The following SDK1 variants were observed in gnomAD, a reference collection of about 807,000 sequenced individuals.
SDK1 encodes protein sidekick-1.
In SDK1, 157 loss-of-function variants were observed where a neutral mutation model predicts 245.5. The ratio of observed to expected loss-of-function variants is 0.64; its 90% CI spans 0.56 to 0.73. The LOEUF (loss-of-function observed/expected upper bound fraction) is 0.73, where lower values mean the gene tolerates loss of function less well. Ranked by LOEUF, SDK1 falls within the 30% of genes least tolerant of loss-of-function variation. The pLI, the probability that SDK1 is intolerant of heterozygous loss-of-function variation, is 0.00. For missense variants in SDK1, 3,583 were observed against 3,002.3 expected (o/e 1.19, Z -4.52); for synonymous variants, 1,647 against 1,278.5 (o/e 1.29, Z -6.15).
chr7:3,936,801 C>T (rs1022737148), intron 5 of SDK1, among the ~76,000 whole-genome samples: 11 of 152,118 alleles, frequency 7.2e-5, no homozygotes, highest in Non-Finnish European at 1.5e-5. Context: ...CTGGAGGAGG[C>T]GCTGTGTCCT....
At chr7:4,017,909 G>A (rs373550076) in intron 17 of SDK1, among the ~76,000 whole-genome samples, 14 of 152,164 alleles carry the variant, frequency 9.2e-5, no homozygotes, top group Admixed American at 4.6e-4. Flanking sequence ...TGAAGCCAGT[G>A]GTTCTTAAAT....
intron 22 of SDK1, among the ~76,000 whole-genome samples, chr7:4,080,181 G>A (rs574393760): frequency 6.6e-6 from 1 of 152,234 alleles, no homozygotes; most frequent in Non-Finnish European, 1.5e-5. Flanking sequence ...CGGTGGCAGG[G>A]AGTGAGTCTG....
chr7:4,060,777 C>G (rs1779488569), intron 19 of SDK1, among the ~76,000 whole-genome samples: 1 of 152,128 alleles, frequency 6.6e-6, no homozygotes, highest in Non-Finnish European at 1.5e-5. Context: ...GGTTTTAGGT[C>G]TAACGTTTAG....
At chr7:3,660,511 A>G (rs564196653) in intron 4 of SDK1, among the ~76,000 whole-genome samples, 1 of 152,302 alleles carries the variant, frequency 6.6e-6, no homozygotes, top group Admixed American at 6.5e-5. Flanking sequence ...GGGAGAGCCT[A>G]TCTTTCCATA....
chr7:4,183,015 GT>G (rs1296796044), intron 35 of SDK1, among the ~76,000 whole-genome samples: 1 of 152,188 alleles, frequency 6.6e-6, no homozygotes, highest in Non-Finnish European at 1.5e-5. Flanking sequence ...GGGCTCAGAG[GT>G]TAGTTTTTTC....
At position 3,721,679 on chromosome 7, in the gene SDK1, T is replaced by C. The variant is rs377043824; in HGVS notation, c.713+79574T>C. On this transcript the variant is annotated intron_variant, in intron 4 of 44. Transcript: ENST00000404826. ...GGGTAGGATGAGATCAGAGAGTGCA[T>C]TGTGTGCTCACTGAGGAAGGGGGAG... Among the ~76,000 whole-genome samples the C allele has an allele frequency of 1.2e-3, 179 of 152,224 alleles. 1 individual carries two copies. The highest frequency in any genetic ancestry group is 3.8e-3 in the African/African-American group (159 of 41,532).
At chr7:3,989,627 G>A (rs989637853) in intron 14 of SDK1, among the ~76,000 whole-genome samples, 4 of 152,096 alleles carry the variant, frequency 2.6e-5, no homozygotes, top group African/African-American at 7.2e-5. Flanking sequence ...GTGCACTCTC[G>A]GGTACCCTCC....
chr7:4,017,185 G>T lies in SDK1; in HGVS notation c.2435G>T (p.Gly812Val). 1 of 1,611,186 alleles carries T rather than the reference G, an allele frequency of 6.2e-7. No individual in the cohort carries two copies. The highest frequency in any genetic ancestry group is 8.5e-7 in the Non-Finnish European group (1 of 1,178,658). ...TCGTGGCGCAGGTACCGCCTGGCTG[G>T]CCTTCCCGGAGAGTACCAGCAGCGG... ...RGYILRYRLA[G>V]LPGEYQQRNI... Residue 812 changes from glycine (G) to valine (V), a missense_variant, in exon 17 of 45, where the codon GGC becomes GTC. Transcript: ENST00000404826.
intron 1 of SDK1, among the ~76,000 whole-genome samples, chr7:3,527,770 A>C (rs1324645106): frequency 6.8e-6 from 1 of 148,100 alleles, no homozygotes. Flanking sequence ...GAGTAGTGGT[A>C]GGTGAGGTTG....
chr7:3,588,363 A>G (rs1270507654), intron 1 of SDK1, among the ~76,000 whole-genome samples: 2 of 152,246 alleles, frequency 1.3e-5, no homozygotes, highest in African/African-American at 4.8e-5. Flanking sequence ...GTTGTATACT[A>G]ATGAGTAAAG....
intron 28 of SDK1, among the ~76,000 whole-genome samples, chr7:4,133,981 A>G (rs11766511): frequency 0.32 from 48,429 of 152,054 alleles, 8,976 homozygotes; most frequent in Non-Finnish European, 0.42. Flanking sequence ...CACTAAAAAA[A>G]AGTTTGGAGG....
intron 13 of SDK1, 127 bp from the exon 14 acceptor site, chr7:3,987,059 G>T (rs972481947): frequency 1.2e-6 from 1 of 861,536 alleles, no homozygotes. Context: ...ATTTGTGTTT[G>T]GGCATATTTT....
chr7:4,005,385 C>G (rs1384978110), intron 14 of SDK1, among the ~76,000 whole-genome samples: 8 of 119,622 alleles, frequency 6.7e-5, no homozygotes, highest in African/African-American at 2.6e-4. Context: ...AGTTTCTTTT[C>G]TTATGTGAGT....
chr7:3,837,108 C>G (rs943192282), intron 5 of SDK1, among the ~76,000 whole-genome samples: 3 of 152,134 alleles, frequency 2.0e-5, no homozygotes, highest in Non-Finnish European at 2.9e-5. Context: ...TCTTCAAATA[C>G]AGTCACAATA....
At chr7:4,253,699 G>T (rs1787454731) in intron 44 of SDK1, among the ~76,000 whole-genome samples, 1 of 152,086 alleles carries the variant, frequency 6.6e-6, no homozygotes, top group South Asian at 2.1e-4. Context: ...CTTCTTCCCA[G>T]TTCTGCCATT....
At chr7:4,046,009 G>A (rs1243226647) in intron 17 of SDK1, among the ~76,000 whole-genome samples, 3 of 151,814 alleles carry the variant, frequency 2.0e-5, no homozygotes, top group Admixed American at 2.0e-4. Context: ...GCTCACGGCA[G>A]CCTCACACTC....
intron 5 of SDK1, among the ~76,000 whole-genome samples, chr7:3,945,013 C>G (rs1466839152): frequency 6.6e-6 from 1 of 152,166 alleles, no homozygotes; most frequent in Non-Finnish European, 1.5e-5. Context: ...ACTCAGGAGG[C>G]TGAGGCAGGA....
intron 5 of SDK1, among the ~76,000 whole-genome samples, chr7:3,867,717 G>A (rs931394272): frequency 2.0e-5 from 3 of 152,180 alleles, no homozygotes; most frequent in East Asian, 1.9e-4. Flanking sequence ...AGATTTGGGT[G>A]GGGACAAAGC....
Position 3,333,342 on chromosome 7 carries a change from G to T in SDK1, c.298+31458G>T, listed in dbSNP as rs180682648. Among the ~76,000 whole-genome samples the T allele has an allele frequency of 4.2e-3, 637 of 152,290 alleles. 3 individuals carry two copies. The highest frequency in any genetic ancestry group is 0.014 in the African/African-American group (597 of 41,552). On this transcript the variant is annotated intron_variant, in intron 1 of 44. Transcript: ENST00000404826. ...TGGAAAGTACATACAAATGGTGTAT[G>T]AAAGGAGTGTGCCATTTTCTGCAGA...
Sources: gnomAD v4.1 joint callset for allele counts (sites outside exome capture counted in the v4.1 genomes callset) on GRCh38, gnomAD v4.1.1 for gene constraint, MANE v1.5 for transcripts, NCBI Gene and HGNC (gene_info 2026-07-23, HGNC 2026-07-21) for gene names.